The following SAMD5 variants were observed in gnomAD, a reference collection of about 807,000 sequenced individuals.
SAMD5 encodes the protein sterile alpha motif domain containing 5, also known as sterile alpha motif domain-containing protein 5.
Under a neutral mutation model 11.3 loss-of-function variants are expected in SAMD5, and 13 were observed. The observed-to-expected ratio is 1.15, with a 90% CI of 0.75 to 1.83. The LOEUF is 1.83. Ranked by LOEUF, SAMD5 falls within the 40% of genes most tolerant of loss-of-function variation. The pLI, the probability that SAMD5 is intolerant of heterozygous loss-of-function variation, is 0.00. For synonymous variants in SAMD5, 129 were observed against 111.3 expected, an observed-to-expected ratio of 1.16 and a Z score of -1.00; for missense variants, 255 against 239.1, an observed-to-expected ratio of 1.07 and a Z score of -0.44.
chr6:147,811,485 A>G, the SAMD5 span, among the ~76,000 whole-genome samples: 1 of 152,198 alleles, frequency 6.6e-6, no homozygotes, highest in East Asian at 1.9e-4. Context: ...GCTTTTGAAC[A>G]GAACAGTAGC....
chr6:147,708,701 A>G (rs904997578), intron 1 of SAMD5, among the ~76,000 whole-genome samples: 1 of 152,218 alleles, frequency 6.6e-6, no homozygotes, highest in Non-Finnish European at 1.5e-5. Flanking sequence ...CCCTGCAAAC[A>G]TAAGAGCATT....
the SAMD5 span, among the ~76,000 whole-genome samples, chr6:147,945,710 C>T: frequency 2.0e-5 from 3 of 152,042 alleles, no homozygotes; most frequent in Admixed American, 6.5e-5. Context: ...GTGGCAGGAA[C>T]GTTAGCCCCA....
chr6:147,821,375 TA>T, the SAMD5 span, among the ~76,000 whole-genome samples: 1 of 152,244 alleles, frequency 6.6e-6, no homozygotes, highest in African/African-American at 2.4e-5. Flanking sequence ...AACGGTGTTT[TA>T]GCTCAGGGAA....
At chr6:147,924,397 T>C in the SAMD5 span, among the ~76,000 whole-genome samples, 2 of 152,182 alleles carry the variant, frequency 1.3e-5, no homozygotes, top group South Asian at 4.1e-4. Context: ...TTTAATTTAA[T>C]GTAATTTAAC....
chr6:147,881,288 A>AT, the SAMD5 span, among the ~76,000 whole-genome samples: 2 of 152,302 alleles, frequency 1.3e-5, no homozygotes. Flanking sequence ...GCATTTCATT[A>AT]TTTAGGGCTA....
At chr6:147,781,371 T>C in the SAMD5 span, among the ~76,000 whole-genome samples, 1 of 152,092 alleles carries the variant, frequency 6.6e-6, no homozygotes, top group African/African-American at 2.4e-5. Flanking sequence ...GTTTTCCAGG[T>C]TGGTGATGTG....
the SAMD5 span, among the ~76,000 whole-genome samples, chr6:147,799,647 A>G: frequency 7.3e-5 from 11 of 151,498 alleles, no homozygotes; most frequent in Non-Finnish European, 1.0e-4. Context: ...TCTCCAGGAT[A>G]ATATCCTGAA....
At chr6:147,946,133 A>G in the SAMD5 span, among the ~76,000 whole-genome samples, 7 of 152,104 alleles carry the variant, frequency 4.6e-5, no homozygotes, top group African/African-American at 1.7e-4. Context: ...CTGATATGTC[A>G]CACCCTTCTC....
the SAMD5 span, among the ~76,000 whole-genome samples, chr6:147,827,088 G>T: frequency 6.6e-6 from 1 of 152,302 alleles, no homozygotes; most frequent in South Asian, 2.1e-4. Context: ...ATAGGAAAAT[G>T]AGTTAGGTTA....
intron 1 of SAMD5, among the ~76,000 whole-genome samples, chr6:147,587,397 C>T (rs750533159): frequency 6.6e-6 from 1 of 151,808 alleles, no homozygotes; most frequent in Non-Finnish European, 1.5e-5. Flanking sequence ...GCCACTGTGC[C>T]GGCTAATTTT....
chr6:147,728,913 G>C lies in SAMD5; in HGVS notation c.163-8404G>C, dbSNP rs74675096. Among the ~76,000 whole-genome samples, 3 of 152,202 alleles carry C rather than the reference G, an allele frequency of 2.0e-5. No individual in the cohort carries two copies. In the East Asian group the frequency reaches 5.8e-4, roughly 29 times the overall value. ...TAATTTTGAAATAAATATGATAAAA[G>C]TGTTCTTTAAAAAAATGATTGTGCA... On this transcript the variant is annotated intron_variant, in intron 1 of 1. Coordinates refer to the SAMD5 transcript ENST00000566741.
At chr6:147,629,938 G>A (rs938569296) in intron 1 of SAMD5, among the ~76,000 whole-genome samples, 9 of 145,010 alleles carry the variant, frequency 6.2e-5, no homozygotes, top group Non-Finnish European at 1.1e-4. Context: ...CGACCCATAG[G>A]TTTTCTTTTC....
At chr6:147,595,809 G>T (rs1789522940) in intron 1 of SAMD5, among the ~76,000 whole-genome samples, 1 of 152,056 alleles carries the variant, frequency 6.6e-6, no homozygotes. Flanking sequence ...ACAGGTGTGA[G>T]CCACTGTGCC....
chr6:147,939,342 C>A, the SAMD5 span, among the ~76,000 whole-genome samples: 1 of 152,114 alleles, frequency 6.6e-6, no homozygotes, highest in South Asian at 2.1e-4. Flanking sequence ...TCTCTAGCCC[C>A]CTCCCCTCCC....
At chr6:147,583,815 T>TCAAACACACA (rs1789335526) in intron 1 of SAMD5, among the ~76,000 whole-genome samples, 1 of 78,968 alleles carries the variant, frequency 1.3e-5, no homozygotes, top group Admixed American at 1.6e-4. Context: ...AGTGGAATTT[T>TCAAACACACA]CAAACACACA....
intron 1 of SAMD5, among the ~76,000 whole-genome samples, chr6:147,542,051 G>A (rs553036641): frequency 3.3e-5 from 5 of 152,142 alleles, no homozygotes; most frequent in East Asian, 1.9e-4. Context: ...CAGACACCCC[G>A]CAATGGGGCT....
At chr6:147,669,828 A>G (rs1259521086) in intron 1 of SAMD5, among the ~76,000 whole-genome samples, 1 of 152,114 alleles carries the variant, frequency 6.6e-6, no homozygotes, top group Non-Finnish European at 1.5e-5. Flanking sequence ...ATTCATGAGG[A>G]TTGGAATCAA....
At chr6:147,779,832 G>A in the SAMD5 span, among the ~76,000 whole-genome samples, 1 of 152,186 alleles carries the variant, frequency 6.6e-6, no homozygotes, top group South Asian at 2.1e-4. Flanking sequence ...TTGGCACTGT[G>A]AAGTACTTCC....
At chr6:147,836,165 C>A in the SAMD5 span, among the ~76,000 whole-genome samples, 1 of 152,210 alleles carries the variant, frequency 6.6e-6, no homozygotes, top group African/African-American at 2.4e-5. Flanking sequence ...CCCAGAATTT[C>A]TCATTAAGCT....
Sources: allele counts gnomAD v4.1 joint callset (sites outside exome capture counted in the v4.1 genomes callset), GRCh38; gene constraint gnomAD v4.1.1; transcripts MANE v1.5; gene names NCBI Gene and HGNC (gene_info 2026-07-23, HGNC 2026-07-21).